ATM: variants seen among roughly 807,000 people sequenced by gnomAD.
ATM encodes serine-protein kinase ATM.
In ATM, 308 loss-of-function variants were observed where a neutral mutation model predicts 387.0. The ratio of observed to expected loss-of-function variants is 0.80; its 90% CI spans 0.73 to 0.87. ATM has a LOEUF of 0.87. Ranked by LOEUF, ATM falls within the 40% of genes least tolerant of loss-of-function variation. The pLI is 0.00. For synonymous variants in ATM, 1,156 were observed against 1,187.3 expected (o/e 0.97, Z 0.54); for missense variants, 3,312 against 3,560.9 (o/e 0.93, Z 1.78).
At chr11:108,260,833 G>A (rs1296857680) in intron 16 of ATM, among the ~76,000 whole-genome samples, 1 of 152,240 alleles carries the variant, frequency 6.6e-6, no homozygotes, top group African/African-American at 2.4e-5. Context: ...CTCAGGAAGT[G>A]CAAGGGGTCA....
chr11:108,237,857 T>G (rs1453549534), intron 5 of ATM, among the ~76,000 whole-genome samples: 1 of 151,460 alleles, frequency 6.6e-6, no homozygotes, highest in Admixed American at 6.6e-5. Flanking sequence ...CAATGTGGAG[T>G]TTTCCAATCC....
intron 4 of ATM, among the ~76,000 whole-genome samples, chr11:108,232,331 A>G (rs1282179142): frequency 6.6e-6 from 1 of 151,648 alleles, no homozygotes; most frequent in East Asian, 1.9e-4. Context: ...ACCCCACTTC[A>G]GTTGTTTTTG....
Position 108,246,961 on chromosome 11 carries a change from C to G in ATM, c.902-3C>G, listed in dbSNP as rs2135264506. ...AATTACATTTTAATTTTTTGGATTA[C>G]AGGTGCTTATGAATCAACAAAATGG... is the stretch of plus-strand genomic sequence containing the variant. On this transcript the variant is annotated splice_polypyrimidine_tract_variant and splice_region_variant and intron_variant, in intron 7 of 62. Transcript: ENST00000675843. 1 of 1,606,140 alleles carries G rather than the reference C, an allele frequency of 6.2e-7. No individual in the cohort carries two copies.
chr11:108,327,397 CATAT>C (rs771883108), intron 47 of ATM: 1 of 437,502 alleles, frequency 2.3e-6, no homozygotes, highest in Non-Finnish European at 4.2e-6. Flanking sequence ...AAGTGTCTGA[CATAT>C]ATAAGTACTC....
intron 60 of ATM, among the ~76,000 whole-genome samples, 156 bp downstream of exon 60, chr11:108,354,036 C>A (rs2089551703): frequency 6.8e-6 from 1 of 146,316 alleles, no homozygotes; most frequent in African/African-American, 2.5e-5. Context: ...GGCAATACAG[C>A]AAGACCCTGT....
At chr11:108,327,140 TTTGA>T (rs1233379008) in intron 47 of ATM, among the ~76,000 whole-genome samples, 1 of 152,190 alleles carries the variant, frequency 6.6e-6, no homozygotes, top group Non-Finnish European at 1.5e-5. Flanking sequence ...TACTGTACTT[TTTGA>T]TGTTGGGCAC....
intron 5 of ATM, among the ~76,000 whole-genome samples, chr11:108,237,899 G>GTTTTTTTTTTTTTT (rs369161623): frequency 6.5e-5 from 6 of 92,032 alleles, no homozygotes; most frequent in African/African-American, 1.4e-4. Flanking sequence ...ATTTACTTAG[G>GTTTTTTTTTTTTTT]TTTTTTTTTT....
At chr11:108,240,122 C>T (rs1327820791) in intron 5 of ATM, among the ~76,000 whole-genome samples, 1 of 152,008 alleles carries the variant, frequency 6.6e-6, no homozygotes, top group African/African-American at 2.4e-5. Context: ...ATCCAGAGTC[C>T]AAGGTTCACT....
At chr11:108,256,665 CT>C in intron 14 of ATM, among the ~76,000 whole-genome samples, 1 of 152,264 alleles carries the variant, frequency 6.6e-6, no homozygotes, top group East Asian at 1.9e-4. Context: ...TATCCCTCCC[CT>C]AGCCCCCGAC....
chr11:108,333,803 AG>A, intron 53 of ATM, 82 bp from the exon 54 acceptor site: 1 of 1,071,604 alleles, frequency 9.3e-7, no homozygotes, highest in South Asian at 1.3e-5. Flanking sequence ...AGTTGGGGCC[AG>A]TGGTATCTGC....
intron 1 of ATM, chr11:108,224,875 G>A (rs2078660825): frequency 6.6e-6 from 1 of 152,138 alleles, no homozygotes; most frequent in South Asian, 2.1e-4. Context: ...CATGAGGGTA[G>A]GATTTGTATC....
At chr11:108,239,383 G>A (rs2079449822) in intron 5 of ATM, among the ~76,000 whole-genome samples, 1 of 152,114 alleles carries the variant, frequency 6.6e-6, no homozygotes. Flanking sequence ...CTGAAGTAGA[G>A]GACTCCTATA....
At chr11:108,364,538 A>G (rs12278964) in intron 61 of ATM, among the ~76,000 whole-genome samples, 7,362 of 152,260 alleles carry the variant, frequency 0.048, 609 homozygotes, top group African/African-American at 0.17. Flanking sequence ...TCAACAAATT[A>G]TACCTTTCTG....
rs1555120044 is a variant in ATM, at chr11:108,326,204, G to A, written c.6954G>A (p.Lys2318=). 1 of 1,614,090 alleles carries A rather than the reference G, an allele frequency of 6.2e-7. No homozygotes were observed. Among genetic ancestry groups the A allele is most frequent in the Non-Finnish European group, 8.5e-7 (1 of 1,180,002 alleles). ...ALSILKQMIK[K]LDASCAANNP... ...GTATTCTCAAGCAAATGATCAAGAA[G>A]TTGGATGCCAGCTGTGCAGCGGTTT... The change falls in exon 47 of 63, where the codon AAG becomes AAA. Residue 2318 remains lysine, a synonymous_variant. Coordinates refer to ENST00000675843, the MANE Select transcript of ATM (RefSeq NM_000051.4).
At chr11:108,306,275 A>G (rs932901690) in intron 37 of ATM, among the ~76,000 whole-genome samples, 1 of 152,168 alleles carries the variant, frequency 6.6e-6, no homozygotes, top group Non-Finnish European at 1.5e-5. Flanking sequence ...TCTCTAAATG[A>G]TCTAGAATGT....
intron 54 of ATM, among the ~76,000 whole-genome samples, chr11:108,334,309 G>C (rs2086595821): frequency 6.6e-6 from 1 of 152,020 alleles, no homozygotes; most frequent in Non-Finnish European, 1.5e-5. Context: ...GTCATATATT[G>C]TTTTTAAAAA....
intron 61 of ATM, among the ~76,000 whole-genome samples, chr11:108,363,828 AG>A (rs2091056650): frequency 6.6e-6 from 1 of 152,158 alleles, no homozygotes; most frequent in South Asian, 2.1e-4. Context: ...TTGGTTTTGA[AG>A]TAATTTAGAT....
chr11:108,282,954 C>T lies in ATM; in HGVS notation c.3746+75C>T, dbSNP rs1004489527. The T allele has an allele frequency of 1.3e-5, 12 of 933,652 alleles. No individual in the cohort carries two copies. In the Admixed American group the frequency reaches 1.3e-4, roughly 10 times the overall value. 57.8% of individuals were successfully genotyped at this position (933,652 alleles called of 1,614,324 possible). On this transcript the variant is annotated intron_variant, in intron 25 of 62. Coordinates refer to ENST00000675843, the MANE Select transcript of ATM (RefSeq NM_000051.4). The stretch of plus-strand genomic sequence containing the variant: ...AACAATACTTAGCAAGTCCCCTCAC[C>T]AGCAACACACATACCATACCCATAC...
At chr11:108,252,456 G>T (rs1429911869) in intron 11 of ATM, among the ~76,000 whole-genome samples, 1 of 152,122 alleles carries the variant, frequency 6.6e-6, no homozygotes. Flanking sequence ...ATAAAGGAAT[G>T]GAGTCCCTCG....
Sources: allele counts gnomAD v4.1 joint callset (sites outside exome capture counted in the v4.1 genomes callset), GRCh38; gene constraint gnomAD v4.1.1; transcripts MANE v1.5; gene names NCBI Gene and HGNC (gene_info 2026-07-23, HGNC 2026-07-21).